The following BICD1 variants were observed in gnomAD, a reference collection of about 807,000 sequenced individuals.
BICD1 encodes the protein protein bicaudal D homolog 1.
BICD1 carries 35 observed loss-of-function variants against 92.5 expected under a neutral mutation model. The ratio of observed to expected loss-of-function variants is 0.38; its 90% CI spans 0.29 to 0.50. The LOEUF (loss-of-function observed/expected upper bound fraction) is 0.50. BICD1 is among the 20% of genes least tolerant of loss of function. BICD1 has a pLI of 0.93. For synonymous variants in BICD1, 429 were observed against 465.1 expected (o/e 0.92, Z 1.00); for missense variants, 950 against 1,189.8 (o/e 0.80, Z 2.97).
At chr12:32,190,232 C>T (rs6488036) in intron 1 of BICD1, among the ~76,000 whole-genome samples, 113,997 of 152,114 alleles carry the variant, frequency 0.75, 42,809 homozygotes, top group Admixed American at 0.79. Flanking sequence ...AATAGTTAAG[C>T]CCTTAACTCT....
rs59612395 is a variant in BICD1, at chr12:32,324,566, C to CTTTTCTTTTTCT, written c.1006-2885_1006-2874dup. ...TCCTTTTTGCAACTACTGTACTGTA[C>CTTTTCTTTTTCT]TTTTCTTTTTCTTTTTCTTTTGAGA... On this transcript the variant is annotated intron_variant, in intron 4 of 9. Coordinates refer to ENST00000652176, the MANE Select transcript of BICD1 (RefSeq NM_001714.4). Among the ~76,000 whole-genome samples the CTTTTCTTTTTCT allele has an allele frequency of 1.2e-3, 186 of 150,014 alleles. 1 individual carries two copies. The East Asian group carries it at 0.018, about 15-fold the overall frequency.
chr12:32,144,610 A>G (rs960777251), intron 1 of BICD1, among the ~76,000 whole-genome samples: 3 of 152,238 alleles, frequency 2.0e-5, no homozygotes, highest in Admixed American at 2.0e-4. Flanking sequence ...CAGTGAAACT[A>G]TTCCACTTAT....
chr12:32,303,943 C>T (rs893772332), intron 3 of BICD1, among the ~76,000 whole-genome samples: 11 of 152,166 alleles, frequency 7.2e-5, no homozygotes, highest in South Asian at 2.1e-4. Flanking sequence ...GGCGTGGTGA[C>T]GGGCACTTGT....
chr12:32,318,174 A>G (rs1164262828), intron 4 of BICD1, among the ~76,000 whole-genome samples: 7 of 152,254 alleles, frequency 4.6e-5, no homozygotes, highest in Admixed American at 3.3e-4. Context: ...CTTTTGGCTT[A>G]GGATTGACTT....
intron 2 of BICD1, among the ~76,000 whole-genome samples, chr12:32,273,471 G>C (rs1212739386): frequency 6.6e-6 from 1 of 152,044 alleles, no homozygotes; most frequent in African/African-American, 2.4e-5. Context: ...TCTGTGTTTG[G>C]GTGTGAACCA....
rs1940235127 is a variant in BICD1 at position 32,382,915 on chromosome 12, G to C, written c.*5288G>C. 1 of 152,062 alleles carries C rather than the reference G, an allele frequency of 6.6e-6. No individual in the cohort carries two copies. Among genetic ancestry groups the C allele is most frequent in the African/African-American group, 2.4e-5 (1 of 41,456 alleles). The allele number at this position is 152,062 out of a possible 1,614,324, so 9.4% of individuals were successfully genotyped here. On this transcript the variant is annotated 3_prime_UTR_variant, in exon 10 of 10. Transcript: ENST00000652176. The stretch of plus-strand genomic sequence containing the variant: ...TTCATAGGTATGATTTGTGCAGCCA[G>C]TCTTAGAGGAAATACATCATTTTAA...
rs200597704 is a variant in BICD1 at position 32,328,139 on chromosome 12, C to G, written c.1684C>G (p.Arg562Gly). 4.3e-6 allele frequency: 7 copies of G among 1,614,126 alleles called. No homozygotes were observed. Among genetic ancestry groups the G allele is most frequent in the South Asian group, 1.1e-5 (1 of 91,088 alleles). Residue 562 changes from arginine to glycine, a missense_variant, in exon 5 of 10, where the codon CGA becomes GGA. Transcript: ENST00000652176. This position sits in a 1 kb window ranked among gnomAD's most constrained non-coding sequence, Gnocchi z 4.4. ...PDDPRGLLSPRLARRGVSSPV... is the reference protein window; with the variant it reads ...PDDPRGLLSPGLARRGVSSPV... ...TGATCCCAGAGGACTTTTGTCCCCACGATTAGCCAGGCGGGGTGTGTCATC... is the reference window on the plus strand; with the variant it reads ...TGATCCCAGAGGACTTTTGTCCCCAGGATTAGCCAGGCGGGGTGTGTCATC...
intron 1 of BICD1, among the ~76,000 whole-genome samples, chr12:32,168,007 C>CAT (rs1943822454): frequency 6.7e-6 from 1 of 149,792 alleles, no homozygotes; most frequent in Non-Finnish European, 1.5e-5. Flanking sequence ...AAGGAGATGG[C>CAT]GTGTGTGTGT....
Position 32,216,280 on chromosome 12 carries a change from G to A in BICD1, c.247G>A (p.Val83Ile). Residue 83 changes from valine (V) to isoleucine (I), a missense_variant, in exon 2 of 10, where the codon GTT becomes ATT. Val to Ile is a conservative substitution (Grantham distance 29). This residue lies in a region of BICD1 where 202 missense variants were observed against 205.3 expected (regional missense o/e 0.98). Transcript: ENST00000652176. The part of the protein sequence containing the change: ...FGQSFSIHRK[V>I]AEDGETREET... ...GCAGTCCTTCTCCATCCACCGGAAG[G>A]TTGCTGAAGATGGAGAGACTCGGGA... is the stretch of plus-strand genomic sequence containing the variant. 2.5e-6 allele frequency: 4 copies of A among 1,613,996 alleles called. No individual in the cohort carries two copies. The highest frequency in any genetic ancestry group is 3.4e-6 in the Non-Finnish European group (4 of 1,179,996).
chr12:32,243,570 T>C (rs11051869), intron 2 of BICD1, among the ~76,000 whole-genome samples: 7,288 of 152,228 alleles, frequency 0.048, 289 homozygotes, highest in East Asian at 0.2. Context: ...CTACTACTTG[T>C]GTGTGCCAAA....
Position 32,366,900 on chromosome 12 carries a change from G to A in BICD1, c.2765-770G>A, listed in dbSNP as rs140793984. 7.9e-5 allele frequency among the ~76,000 whole-genome samples: 12 copies of A among 152,116 alleles called. No individual in the cohort carries two copies. The East Asian group carries it at 1.5e-3, about 20-fold the overall frequency. On this transcript the variant is annotated intron_variant, in intron 8 of 9. Coordinates refer to ENST00000652176, the MANE Select transcript of BICD1 (RefSeq NM_001714.4). ...TCTTTGATTTTTTTTTAGAACACCA[G>A]GCACTACTTTCTTGGAGTAGATGAT...
intron 2 of BICD1, among the ~76,000 whole-genome samples, chr12:32,217,246 A>G (rs568658995): frequency 6.6e-6 from 1 of 152,340 alleles, no homozygotes; most frequent in South Asian, 2.1e-4. Flanking sequence ...GACGTCCTCT[A>G]ACTCCTACAC....
intron 2 of BICD1, among the ~76,000 whole-genome samples, chr12:32,238,371 G>A (rs1946134603): frequency 6.6e-6 from 1 of 152,196 alleles, no homozygotes; most frequent in Admixed American, 6.5e-5. Context: ...AACTTGAATG[G>A]ATGAGGAGTT....
At position 32,378,993 on chromosome 12, in the gene BICD1, G is replaced by A. The variant is rs909109397; in HGVS notation, c.*1366G>A. On this transcript the variant is annotated 3_prime_UTR_variant, in exon 10 of 10. Transcript: ENST00000652176. ...CTGAGCTGAAAGGTCTAACACTCTC[G>A]GGCTCCTTAACCATCAAGTGCTGCC... 12 of 152,090 alleles carry A rather than the reference G, an allele frequency of 7.9e-5. No homozygotes were observed. The highest frequency in any genetic ancestry group is 2.9e-4 in the African/African-American group (12 of 41,408). The allele number at this position is 152,090 out of a possible 1,614,324, so 9.4% of individuals were successfully genotyped here.
At position 32,313,878 on chromosome 12, in the gene BICD1, C is replaced by T. The variant is rs1258221259; in HGVS notation, c.1005+7756C>T. Among the ~76,000 whole-genome samples the T allele has an allele frequency of 6.6e-6, 1 of 152,054 alleles. No individual in the cohort carries two copies. Among genetic ancestry groups the T allele is most frequent in the South Asian group, 2.1e-4 (1 of 4,830 alleles). ...TGCCTATAGTCCCAGCTACTAGGGT[C>T]GCTGAGGTGGGAGGATTGCTTGAGT... is the stretch of plus-strand genomic sequence containing the variant. On this transcript the variant is annotated intron_variant, in intron 4 of 9. Coordinates refer to ENST00000652176, the MANE Select transcript of BICD1 (RefSeq NM_001714.4). The surrounding 1 kb of genome is among the most constrained non-coding windows in gnomAD (Gnocchi z 4.2).
At chr12:32,298,182 CAA>C (rs34140328) in intron 3 of BICD1, among the ~76,000 whole-genome samples, 1 of 132,186 alleles carries the variant, frequency 7.6e-6, no homozygotes, top group Admixed American at 8.0e-5. Context: ...GACCCTGTCT[CAA>C]AAAAAAAAAA....
chr12:32,158,483 TA>T lies in BICD1; in HGVS notation c.213+50943del, dbSNP rs202166649. Reference sequence around the variant, plus strand: ...TATAAAAAAGAAAAATTTAAAAATTTAAAATAAAAAAAAATTAAGTGAGTTA... The same window carrying T: ...TATAAAAAAGAAAAATTTAAAAATTTAAATAAAAAAAAATTAAGTGAGTTA... On this transcript the variant is annotated intron_variant, in intron 1 of 9. Transcript: ENST00000652176. Among the ~76,000 whole-genome samples the T allele has an allele frequency of 5.9e-3, 898 of 152,156 alleles. 16 individuals carry two copies. The highest frequency in any genetic ancestry group is 0.021 in the African/African-American group (862 of 41,510).
At chr12:32,274,716 C>T (rs78429038) in intron 2 of BICD1, among the ~76,000 whole-genome samples, 2,764 of 152,230 alleles carry the variant, frequency 0.018, 85 homozygotes, top group African/African-American at 0.06. Context: ...CCCATTCCAA[C>T]AACAAATCAC....
intron 1 of BICD1, among the ~76,000 whole-genome samples, chr12:32,143,494 TAC>T (rs1315120286): frequency 9.9e-5 from 15 of 152,204 alleles, no homozygotes; most frequent in Non-Finnish European, 1.9e-4. Context: ...CAGGTTGTTG[TAC>T]ACAGTGCTAG....
Sources: allele counts gnomAD v4.1 joint callset (sites outside exome capture counted in the v4.1 genomes callset), GRCh38; gene constraint gnomAD v4.1.1; regional missense constraint gnomAD v4.1.1; non-coding constraint Gnocchi (gnomAD v3.1); transcripts MANE v1.5; gene names NCBI Gene and HGNC (gene_info 2026-07-23, HGNC 2026-07-21).